Variants in MINAR1 observed in about 807,000 individuals in gnomAD.
MINAR1 encodes membrane integral NOTCH2 associated receptor 1.
Under a neutral mutation model 65.1 loss-of-function variants are expected in MINAR1, and 40 were observed. That is an observed-to-expected ratio of 0.61 (90% CI 0.48 to 0.80). MINAR1 has a LOEUF of 0.80. MINAR1 is among the 30% of genes least tolerant of loss of function. The pLI is 0.00. For synonymous variants in MINAR1, 482 were observed against 449.1 expected (o/e 1.07, Z -0.93); for missense variants, 1,128 against 1,148.0 (o/e 0.98, Z 0.25).
Position 79,456,715 on chromosome 15 carries a change from G to A in MINAR1, c.568G>A (p.Ala190Thr), listed in dbSNP as rs536446174. Residue 190 changes from alanine (A) to threonine (T), a missense_variant, in exon 2 of 4, where the codon GCT (alanine) becomes ACT (threonine). Physicochemically the swap from Ala to Thr is moderately conservative, Grantham distance 58 (BLOSUM62 0). Coordinates refer to ENST00000305428, the MANE Select transcript of MINAR1 (RefSeq NM_015206.3). ...TAGCAAAGAGGTGAAAAACCGCGCCGCTTCCCTGGACAGGTTGCAGGCCCT... is the reference window on the plus strand; with the variant it reads ...TAGCAAAGAGGTGAAAAACCGCGCCACTTCCCTGGACAGGTTGCAGGCCCT... ...GVSKEVKNRA[A>T]SLDRLQALAP... 1.4e-5 allele frequency: 22 copies of A among 1,614,014 alleles called. No homozygotes were observed. The highest frequency in any genetic ancestry group is 2.2e-5 in the East Asian group (1 of 44,882).
intron 1 of MINAR1, among the ~76,000 whole-genome samples, chr15:79,454,183 G>C (rs975611198): frequency 6.6e-6 from 1 of 152,166 alleles, no homozygotes; most frequent in African/African-American, 2.4e-5. Flanking sequence ...CTGGTGACTT[G>C]TTCTGGGCAG....
In MINAR1 at chr15:79,468,612, A is replaced by ATATCTTT; in HGVS notation, c.*230_*236dup. 1.8e-6 allele frequency: 1 copy of ATATCTTT among 540,706 alleles called. No individual in the cohort carries two copies. 33.5% of individuals were successfully genotyped at this position (540,706 alleles called of 1,614,324 possible). Reference sequence around the variant, plus strand: ...ACTCTGACGCATTTTTAGAAGTGCAATATCTTTTCCTACCAAAAGAACATC... The same window carrying ATATCTTT: ...ACTCTGACGCATTTTTAGAAGTGCAATATCTTTTATCTTTTCCTACCAAAAGAACATC... On this transcript the variant is annotated 3_prime_UTR_variant, in exon 4 of 4. Transcript: ENST00000305428.
intron 1 of MINAR1, among the ~76,000 whole-genome samples, chr15:79,442,867 T>C (rs1804644956): frequency 6.6e-6 from 1 of 152,178 alleles, no homozygotes; most frequent in South Asian, 2.1e-4. Context: ...AAACGGATGT[T>C]AAAGTTTTGT....
chr15:79,457,548 C>T lies in MINAR1; in HGVS notation c.1401C>T (p.Leu467=), dbSNP rs1895477652. 6.2e-7 allele frequency: 1 copy of T among 1,614,206 alleles called. No individual in the cohort carries two copies. Residue 467 remains leucine (L), a synonymous_variant, in exon 2 of 4, where the codon CTC becomes CTT. Coordinates refer to ENST00000305428, the MANE Select transcript of MINAR1 (RefSeq NM_015206.3). ...GCATTAACTGCACCAGTGGGCAGCT[C>T]AGCTCAGACACCAGTAGCGTGGGCA... ...DKSINCTSGQ[L]SSDTSSVGTQ... is the part of the protein sequence containing the mutation.
Position 79,468,567 on chromosome 15 carries a change from A to T in MINAR1, c.*183A>T. On this transcript the variant is annotated 3_prime_UTR_variant, in exon 4 of 4. Coordinates refer to ENST00000305428, the MANE Select transcript of MINAR1 (RefSeq NM_015206.3). Reference sequence around the variant, plus strand: ...ATTCTAGTGAGAAATCTACCTACCTATTAGCTTTGACTCAATTACACTCTG... The same window carrying T: ...ATTCTAGTGAGAAATCTACCTACCTTTTAGCTTTGACTCAATTACACTCTG... The T allele has an allele frequency of 1.6e-6, 1 of 607,018 alleles. No individual in the cohort carries two copies. The highest frequency in any genetic ancestry group is 2.9e-6 in the Non-Finnish European group (1 of 347,844). The allele number at this position is 607,018 out of a possible 1,614,324, so 37.6% of individuals were successfully genotyped here.
At chr15:79,439,407 T>G (rs548671817) in intron 1 of MINAR1, among the ~76,000 whole-genome samples, 3 of 137,384 alleles carry the variant, frequency 2.2e-5, no homozygotes, top group East Asian at 2.2e-4. Context: ...TGGGTAGTGA[T>G]GAGATGTGGG....
chr15:79,416,979 C>T, the MINAR1 span: 1 of 152,278 alleles, frequency 6.6e-6, no homozygotes, highest in Non-Finnish European at 1.5e-5. Flanking sequence ...TGGAAAATCT[C>T]TACCTTCCCA....
intron 1 of MINAR1, among the ~76,000 whole-genome samples, chr15:79,439,472 G>A (rs941120855): frequency 1.3e-5 from 2 of 151,314 alleles, no homozygotes; most frequent in Non-Finnish European, 3.0e-5. Flanking sequence ...TAGGCCATGA[G>A]TATGTGGGAT....
At chr15:79,433,016 C>T (rs76614678) in intron 1 of MINAR1, among the ~76,000 whole-genome samples, 51 of 152,346 alleles carry the variant, frequency 3.3e-4, no homozygotes, top group Middle Eastern at 6.8e-3. Flanking sequence ...TTGAGATTTC[C>T]AGTCACGTTG....
chr15:79,441,701 T>C (rs1456776038), intron 1 of MINAR1, among the ~76,000 whole-genome samples: 3 of 152,074 alleles, frequency 2.0e-5, no homozygotes, highest in African/African-American at 7.2e-5. Flanking sequence ...TCCCTCATTC[T>C]CCCCAACAGT....
In MINAR1 at chr15:79,470,324, C is replaced by T. The variant is rs910337219; in HGVS notation, c.*1940C>T. ...TTGCCTTTCCACCTAACCCCTCAAC[C>T]AGTAAGACTCTACACCATATTGTAG... On this transcript the variant is annotated 3_prime_UTR_variant, in exon 4 of 4. Transcript: ENST00000305428. 6.6e-6 allele frequency: 1 copy of T among 152,422 alleles called. No homozygotes were observed. Among genetic ancestry groups the T allele is most frequent in the African/African-American group, 2.4e-5 (1 of 41,418 alleles). The allele number at this position is 152,422 out of a possible 1,614,324, so 9.4% of individuals were successfully genotyped here.
At chr15:79,433,253 C>G (rs529844948) in intron 1 of MINAR1, among the ~76,000 whole-genome samples, 1 of 152,144 alleles carries the variant, frequency 6.6e-6, no homozygotes, top group African/African-American at 2.4e-5. Flanking sequence ...GTCCCCTCGC[C>G]GGCGGTGCGG....
Position 79,470,666 on chromosome 15 carries a change from A to G in MINAR1, c.*2282A>G, listed in dbSNP as rs558429322. On this transcript the variant is annotated 3_prime_UTR_variant, in exon 4 of 4. Coordinates refer to ENST00000305428, the MANE Select transcript of MINAR1 (RefSeq NM_015206.3). ...GAAAGGATTCTATAGAATATTCTAT[A>G]CTTTCCATAGCTGGAGAGGTAGTCA... The G allele has an allele frequency of 2.2e-3, 342 of 152,340 alleles. 1 individual carries two copies. The highest frequency in any genetic ancestry group is 7.9e-3 in the African/African-American group (327 of 41,580). 9.4% of individuals were successfully genotyped at this position (152,340 alleles called of 1,614,324 possible).
chr15:79,449,484 G>A (rs774122135), intron 1 of MINAR1, among the ~76,000 whole-genome samples: 8 of 151,758 alleles, frequency 5.3e-5, no homozygotes, highest in Non-Finnish European at 1.2e-4. Flanking sequence ...GTATCTGGTG[G>A]GGGCATTTTT....
At chr15:79,453,386 C>T (rs1895304312) in intron 1 of MINAR1, among the ~76,000 whole-genome samples, 1 of 151,954 alleles carries the variant, frequency 6.6e-6, no homozygotes, top group Non-Finnish European at 1.5e-5. Context: ...CAACTCATGT[C>T]ACCTCTCTGG....
In MINAR1 at chr15:79,457,698, C is replaced by A; in HGVS notation, c.1551C>A (p.Asp517Glu). The change falls in exon 2 of 4, where the codon GAC (aspartate) becomes GAA (glutamate). Residue 517 changes from aspartate to glutamate, a missense_variant. Transcript: ENST00000305428. Reference protein sequence around the residue: ...SDDDSEIVSDDISDIFRFLDD... With the variant: ...SDDDSEIVSDEISDIFRFLDD... ...ATGACTCAGAAATTGTCAGCGACGACATCAGTGACATTTTCCGATTTCTTG... is the reference window on the plus strand; with the variant it reads ...ATGACTCAGAAATTGTCAGCGACGAAATCAGTGACATTTTCCGATTTCTTG... 1 of 1,614,200 alleles carries A rather than the reference C, an allele frequency of 6.2e-7. No homozygotes were observed. The highest frequency in any genetic ancestry group is 8.5e-7 in the Non-Finnish European group (1 of 1,180,042).
intron 1 of MINAR1, among the ~76,000 whole-genome samples, chr15:79,437,572 G>A (rs1410567455): frequency 6.6e-6 from 1 of 150,528 alleles, no homozygotes; most frequent in African/African-American, 2.4e-5. Context: ...GTGGGTGTGG[G>A]TGTGGATGGG....
At chr15:79,411,694 C>T in the MINAR1 span, 119 of 540,494 alleles carry the variant, frequency 2.2e-4, no homozygotes, top group Middle Eastern at 1.5e-3. Flanking sequence ...TCTGGAATCC[C>T]GGCAGGAGGA....
Position 79,457,973 on chromosome 15 carries a change from A to G in MINAR1, c.1826A>G (p.Lys609Arg). ...CTCAGGATTGGCGAAATTGAACGGA[A>G]GCTGGAATCCCTGTCGGGTGTCCGT... ...LVLRIGEIER[K>R]LESLSGVRDE... Residue 609 changes from lysine (K) to arginine (R), a missense_variant, in exon 2 of 4, where the codon AAG becomes AGG. By Grantham distance (26) the Lys-to-Arg change is conservative. Transcript: ENST00000305428. The G allele has an allele frequency of 6.2e-7, 1 of 1,614,144 alleles. No homozygotes were observed.
Sources: allele counts gnomAD v4.1 joint callset (sites outside exome capture counted in the v4.1 genomes callset), GRCh38; gene constraint gnomAD v4.1.1; transcripts MANE v1.5; gene names NCBI Gene and HGNC (gene_info 2026-07-23, HGNC 2026-07-21).